Variants in TMEM132E observed in about 807,000 individuals in gnomAD.
TMEM132E encodes the protein transmembrane protein 132E.
A neutral mutation model predicts 78.5 loss-of-function variants in TMEM132E; 49 were observed. That is an observed-to-expected ratio of 0.62 (90% CI 0.50 to 0.79). The LOEUF (loss-of-function observed/expected upper bound fraction) is 0.79. TMEM132E is among the 30% of genes least tolerant of loss of function. TMEM132E has a pLI of 0.00. For synonymous variants in TMEM132E, 715 were observed against 670.6 expected, an observed-to-expected ratio of 1.07 and a Z score of -1.02; for missense variants, 1,403 against 1,470.9, an observed-to-expected ratio of 0.95 and a Z score of 0.75.
intron 1 of TMEM132E, among the ~76,000 whole-genome samples, chr17:34,582,930 C>G (rs909820627): frequency 6.6e-6 from 1 of 152,216 alleles, no homozygotes; most frequent in African/African-American, 2.4e-5. Flanking sequence ...CATTAGGGTC[C>G]CTCTGCCCAC....
chr17:34,595,561 G>C (rs1003768903), intron 1 of TMEM132E, among the ~76,000 whole-genome samples: 2 of 152,182 alleles, frequency 1.3e-5, no homozygotes, highest in African/African-American at 4.8e-5. Context: ...AATGAGGTGT[G>C]ATCCTTAAAG....
Position 34,626,921 on chromosome 17 carries a change from C to G in TMEM132E, c.862C>G (p.His288Asp). The G allele has an allele frequency of 1.2e-6, 2 of 1,613,708 alleles. No homozygotes were observed. Among genetic ancestry groups the G allele is most frequent in the Non-Finnish European group, 1.7e-6 (2 of 1,179,998 alleles). ...GCCCCCCAGGAGGACCCTGCAGGAG[C>G]ACAGGCTGGACAGCAACCTGATGAT... ...RPPPRRTLQE[H>D]RLDSNLMIRL... Residue 288 changes from histidine (H) to aspartate (D), a missense_variant, in exon 2 of 9, where the codon CAC becomes GAC. Transcript: ENST00000631683.
rs556286881 is a variant in TMEM132E, at chr17:34,614,106, G to A, written c.68-12021G>A. ...GGGTGAAGGTGAGGGCTCTCATCATGCTGGCTGGAGCAGGTAGCCCTCTGT... is the reference window on the plus strand; with the variant it reads ...GGGTGAAGGTGAGGGCTCTCATCATACTGGCTGGAGCAGGTAGCCCTCTGT... On this transcript the variant is annotated intron_variant, in intron 1 of 8. Coordinates refer to ENST00000631683, the MANE Select transcript of TMEM132E (RefSeq NM_001304438.2). 5.3e-5 allele frequency among the ~76,000 whole-genome samples: 8 copies of A among 152,254 alleles called. No individual in the cohort carries two copies. In the South Asian group the frequency reaches 1.2e-3, roughly 24 times the overall value.
chr17:34,584,731 C>A (rs1597673638), intron 1 of TMEM132E, among the ~76,000 whole-genome samples: 1 of 152,274 alleles, frequency 6.6e-6, no homozygotes, highest in East Asian at 1.9e-4. Flanking sequence ...AGGAGACAGG[C>A]AGAGATACCA....
Position 34,580,833 on chromosome 17 carries a change from T to G in TMEM132E, c.-244T>G. 2.2e-6 allele frequency: 1 copy of G among 450,870 alleles called. No individual in the cohort carries two copies. Among genetic ancestry groups the G allele is most frequent in the Non-Finnish European group, 3.9e-6 (1 of 254,604 alleles). 27.9% of individuals were successfully genotyped at this position (450,870 alleles called of 1,614,324 possible). On this transcript the variant is annotated 5_prime_UTR_variant, in exon 1 of 9. Transcript: ENST00000631683. ...CGCAGATCCTGCAGGGGGCACCAGC[T>G]GGGGGAGGTGGAGGCTCCTCCCGCC...
At chr17:34,591,306 TA>T (rs1178185745) in intron 1 of TMEM132E, among the ~76,000 whole-genome samples, 2 of 80,692 alleles carry the variant, frequency 2.5e-5, no homozygotes, top group Non-Finnish European at 5.0e-5. Flanking sequence ...TCTCCCTCAC[TA>T]TTTTTTTTTT....
chr17:34,619,007 G>A (rs1906869756), intron 1 of TMEM132E, among the ~76,000 whole-genome samples: 1 of 152,284 alleles, frequency 6.6e-6, no homozygotes, highest in African/African-American at 2.4e-5. Context: ...TCCTGGGTTG[G>A]GGGTGTTTCC....
At chr17:34,626,066 C>G (rs1443515461) in intron 1 of TMEM132E, 61 bp from the exon 2 acceptor site, 3 of 1,410,334 alleles carry the variant, frequency 2.1e-6, no homozygotes, top group Non-Finnish European at 2.8e-6. Context: ...TGGGGGCACC[C>G]TGGGGTCCCA....
chr17:34,600,427 G>GTGTC (rs1906199258), intron 1 of TMEM132E, among the ~76,000 whole-genome samples: 1 of 664 alleles, frequency 1.5e-3, no homozygotes, highest in Non-Finnish European at 5.3e-3. Context: ...GCGTATATGA[G>GTGTC]TGTGTGTGTG....
intron 1 of TMEM132E, among the ~76,000 whole-genome samples, chr17:34,600,597 G>C (rs956494989): frequency 5.9e-5 from 9 of 152,154 alleles, no homozygotes; most frequent in Non-Finnish European, 1.5e-5. Flanking sequence ...TGGCAAAGTA[G>C]AACAAGGTCG....
chr17:34,618,319 C>A (rs1906846443), intron 1 of TMEM132E, among the ~76,000 whole-genome samples: 1 of 151,954 alleles, frequency 6.6e-6, no homozygotes, highest in South Asian at 2.1e-4. Flanking sequence ...CTCACTGCAG[C>A]CTTGAACTTC....
chr17:34,610,068 A>C (rs565278582), intron 1 of TMEM132E, among the ~76,000 whole-genome samples: 175 of 151,170 alleles, frequency 1.2e-3, no homozygotes, highest in Non-Finnish European at 2.0e-3. Context: ...TCAAGATCTT[A>C]CTACTCAAAT....
At chr17:34,598,969 C>A (rs1286960827) in intron 1 of TMEM132E, among the ~76,000 whole-genome samples, 1 of 152,232 alleles carries the variant, frequency 6.6e-6, no homozygotes, top group Admixed American at 6.5e-5. Flanking sequence ...ATTCAGCTAA[C>A]CTTTACTTAC....
At position 34,613,364 on chromosome 17, in the gene TMEM132E, A is replaced by G. The variant is rs538500355; in HGVS notation, c.68-12763A>G. ...AGTCATTTAGTGTAACTCTGAGAGCAGCCCCCTCCCCCGCACTCCCCTCCC... is the reference window on the plus strand; with the variant it reads ...AGTCATTTAGTGTAACTCTGAGAGCGGCCCCCTCCCCCGCACTCCCCTCCC... On this transcript the variant is annotated intron_variant, in intron 1 of 8. Coordinates refer to ENST00000631683, the MANE Select transcript of TMEM132E (RefSeq NM_001304438.2). Among the ~76,000 whole-genome samples, 122 of 151,460 alleles carry G rather than the reference A, an allele frequency of 8.1e-4. 2 individuals are homozygous for G. Among genetic ancestry groups the G allele is most frequent in the Middle Eastern group, 6.8e-3 (2 of 294 alleles).
chr17:34,616,246 C>T (rs543713390), intron 1 of TMEM132E, among the ~76,000 whole-genome samples: 1 of 152,240 alleles, frequency 6.6e-6, no homozygotes, highest in African/African-American at 2.4e-5. Flanking sequence ...GAGGGGCGCC[C>T]CTCCTGCTGG....
chr17:34,593,801 G>A lies in TMEM132E; in HGVS notation c.67+12658G>A, dbSNP rs73988730. ...CCCTTCTTCTCAGAACCACCTCACT[G>A]AGAGTGAGAGCCAAAGTCCTCACAG... On this transcript the variant is annotated intron_variant, in intron 1 of 8. Coordinates refer to ENST00000631683, the MANE Select transcript of TMEM132E (RefSeq NM_001304438.2). Among the ~76,000 whole-genome samples the A allele has an allele frequency of 4.9e-3, 739 of 152,318 alleles. 7 individuals are homozygous for A. Among genetic ancestry groups the A allele is most frequent in the African/African-American group, 0.017 (709 of 41,564 alleles).
chr17:34,597,530 G>A (rs1906101003), intron 1 of TMEM132E, among the ~76,000 whole-genome samples: 1 of 152,166 alleles, frequency 6.6e-6, no homozygotes, highest in South Asian at 2.1e-4. Context: ...CTGGATATGT[G>A]TCCTTCTGCA....
At chr17:34,624,637 G>T (rs1346342616) in intron 1 of TMEM132E, among the ~76,000 whole-genome samples, 1 of 152,196 alleles carries the variant, frequency 6.6e-6, no homozygotes, top group Non-Finnish European at 1.5e-5. Flanking sequence ...GCAGCCGTGA[G>T]TGTGAAGGTG....
intron 1 of TMEM132E, among the ~76,000 whole-genome samples, chr17:34,605,364 G>T (rs1456713238): frequency 6.6e-6 from 1 of 152,174 alleles, no homozygotes; most frequent in Admixed American, 6.5e-5. Context: ...AGTGAGTGGG[G>T]TCAGCCAGGA....
Sources: allele counts gnomAD v4.1 joint callset (sites outside exome capture counted in the v4.1 genomes callset), GRCh38; gene constraint gnomAD v4.1.1; transcripts MANE v1.5; gene names NCBI Gene and HGNC (gene_info 2026-07-23, HGNC 2026-07-21).